The following DMRT1 variants were observed in gnomAD, a reference collection of about 807,000 sequenced individuals.
The protein encoded by DMRT1 is doublesex and mab-3 related transcription factor 1.
DMRT1 carries 7 observed loss-of-function variants against 32.3 expected under a neutral mutation model. The ratio of observed to expected loss-of-function variants is 0.22; its 90% confidence interval spans 0.12 to 0.41. The LOEUF (loss-of-function observed/expected upper bound fraction) is 0.41, where lower values mean the gene tolerates loss of function less well. Among genes scored for constraint, DMRT1 ranks in the 10% least tolerant of loss-of-function variants. DMRT1 has a pLI of 1.00. For synonymous variants in DMRT1, 278 were observed against 206.1 expected (o/e 1.35, Z -2.99); for missense variants, 625 against 500.5 (o/e 1.25, Z -2.37).
At chr9:893,868 A>G (rs763396675) in intron 2 of DMRT1, 44 bp from the exon 3 acceptor site, 70 of 1,584,776 alleles carry the variant, frequency 4.4e-5, no homozygotes, top group Middle Eastern at 1.7e-4. Context: ...TTCGTGGACT[A>G]ACATTAATAC....
intron 4 of DMRT1, among the ~76,000 whole-genome samples, chr9:947,684 C>T (rs936663597): frequency 1.3e-5 from 2 of 152,078 alleles, no homozygotes; most frequent in East Asian, 1.9e-4. Flanking sequence ...AATGCAGTGG[C>T]GCGATCTCGG....
At chr9:908,237 C>T (rs1189180156) in intron 3 of DMRT1, among the ~76,000 whole-genome samples, 1 of 152,052 alleles carries the variant, frequency 6.6e-6, no homozygotes, top group Non-Finnish European at 1.5e-5. Context: ...GAGAGGATCA[C>T]TTGAGGCCAG....
chr9:882,207 C>A (rs142328576), intron 2 of DMRT1, among the ~76,000 whole-genome samples: 2 of 152,118 alleles, frequency 1.3e-5, no homozygotes, highest in Non-Finnish European at 2.9e-5. Flanking sequence ...TGCCACTGTG[C>A]GTTACATGCC....
chr9:902,582 G>A (rs7866486), intron 3 of DMRT1, among the ~76,000 whole-genome samples: 88,847 of 150,892 alleles, frequency 0.59, 27,584 homozygotes, highest in East Asian at 0.72. Context: ...TCTGCCTCCC[G>A]GGTTCAAGCG....
intron 4 of DMRT1, 52 bp from the exon 5 acceptor site, chr9:967,933 A>G: frequency 7.0e-7 from 1 of 1,432,594 alleles, no homozygotes; most frequent in Non-Finnish European, 9.5e-7. Context: ...AGCCACTTTT[A>G]ACATTACTCC....
At position 896,402 on chromosome 9, in the gene DMRT1, C is replaced by T. The variant is rs919892849; in HGVS notation, c.822+2207C>T. Among the ~76,000 whole-genome samples the T allele has an allele frequency of 2.6e-5, 4 of 151,366 alleles. No homozygotes were observed. In the East Asian group the frequency reaches 5.9e-4, roughly 22 times the overall value. ...CAAGTGATTCTCCTGCCTCAGCCTC[C>T]TGAGTAGCTGGGATTATAGGCACGC... On this transcript the variant is annotated intron_variant, in intron 3 of 4. Transcript: ENST00000382276.
chr9:903,312 A>G (rs1325173218), intron 3 of DMRT1, among the ~76,000 whole-genome samples: 1 of 151,172 alleles, frequency 6.6e-6, no homozygotes, highest in African/African-American at 2.4e-5. Context: ...GGGTGAATGC[A>G]GTCCCGGCTT....
At chr9:894,635 A>G in intron 3 of DMRT1, 1 of 284,166 alleles carries the variant, frequency 3.5e-6, no homozygotes, top group East Asian at 9.0e-5. Context: ...TCTGGGTGGC[A>G]GTAATCTGCG....
chr9:913,233 C>A (rs1354858394), intron 3 of DMRT1, among the ~76,000 whole-genome samples: 1 of 152,178 alleles, frequency 6.6e-6, no homozygotes, highest in Non-Finnish European at 1.5e-5. Flanking sequence ...CCTTGAAGAA[C>A]TGGCTTGAAG....
At chr9:937,365 A>G (rs1247396352) in intron 4 of DMRT1, among the ~76,000 whole-genome samples, 1 of 152,260 alleles carries the variant, frequency 6.6e-6, no homozygotes, top group Non-Finnish European at 1.5e-5. Context: ...TATATCTAGA[A>G]GTAGAATTGC....
In DMRT1 at chr9:916,614, C is replaced by G. The variant is rs921743139; in HGVS notation, c.823-149C>G. 3.5e-5 allele frequency: 32 copies of G among 919,018 alleles called. No homozygotes were observed. The African/African-American group carries it at 4.9e-4, about 14-fold the overall frequency. The allele number at this position is 919,018 out of a possible 1,614,324, so 56.9% of individuals were successfully genotyped here. On this transcript the variant is annotated intron_variant, in intron 3 of 4. Coordinates refer to ENST00000382276, the MANE Select transcript of DMRT1 (RefSeq NM_021951.3). ...CTTGAACTCCTGGGCTCAAGCGATC[C>G]TCCCGCCCTGGCCTCCCAAGGTGTC...
intron 2 of DMRT1, among the ~76,000 whole-genome samples, chr9:848,022 T>G (rs1199049226): frequency 6.6e-6 from 1 of 152,162 alleles, no homozygotes; most frequent in Non-Finnish European, 1.5e-5. Flanking sequence ...ATCCACCAAA[T>G]AAAGACCTGT....
At chr9:905,052 G>C (rs1219887294) in intron 3 of DMRT1, among the ~76,000 whole-genome samples, 2 of 152,164 alleles carry the variant, frequency 1.3e-5, no homozygotes, top group Non-Finnish European at 1.5e-5. Context: ...GGCATGCCAA[G>C]AGGCAGGGTG....
At chr9:845,048 T>G (rs1342368972) in intron 1 of DMRT1, among the ~76,000 whole-genome samples, 1 of 152,058 alleles carries the variant, frequency 6.6e-6, no homozygotes, top group Non-Finnish European at 1.5e-5. Flanking sequence ...AATTGAACGT[T>G]TTGATTTCAC....
At chr9:868,828 G>A (rs976781339) in intron 2 of DMRT1, among the ~76,000 whole-genome samples, 2 of 152,080 alleles carry the variant, frequency 1.3e-5, no homozygotes, top group Admixed American at 6.6e-5. Flanking sequence ...TGGGCAACAT[G>A]GTGAAGCCCC....
chr9:907,427 G>A lies in DMRT1; in HGVS notation c.823-9336G>A, dbSNP rs565358962. On this transcript the variant is annotated intron_variant, in intron 3 of 4. Transcript: ENST00000382276. ...ATAGATTTCTCAAGATGAAGAAGGC[G>A]CTGAGCTAGTCCCAGCCAGACACTG... is the stretch of plus-strand genomic sequence containing the variant. 1.4e-3 allele frequency among the ~76,000 whole-genome samples: 208 copies of A among 152,236 alleles called. 5 individuals are homozygous for A. In the South Asian group the frequency reaches 0.042, roughly 31 times the overall value.
At position 853,994 on chromosome 9, in the gene DMRT1, G is replaced by A. The variant is rs149403386; in HGVS notation, c.538+6851G>A. On this transcript the variant is annotated intron_variant, in intron 2 of 4. Coordinates refer to ENST00000382276, the MANE Select transcript of DMRT1 (RefSeq NM_021951.3). ...AAATTTTTCTTTCTGTGGAGACAGG[G>A]TCTCTTTTTGTTGCCCACGCTGGTC... 5.6e-3 allele frequency among the ~76,000 whole-genome samples: 853 copies of A among 151,644 alleles called. 9 individuals carry two copies. In the Middle Eastern group the frequency reaches 0.059, roughly 10 times the overall value.
In DMRT1 at chr9:847,097, C is replaced by T; in HGVS notation, c.492C>T (p.Gly164=). ...SNPCLMTECS[G]TSQPPPASVP... is the part of the protein sequence containing the mutation. Reference sequence around the variant, plus strand: ...CGTGCCTCATGACTGAGTGCAGTGGCACCTCTCAGCCACCGCCGGCCAGTG... The same window carrying T: ...CGTGCCTCATGACTGAGTGCAGTGGTACCTCTCAGCCACCGCCGGCCAGTG... The change falls in exon 2 of 5, where the codon GGC becomes GGT. Residue 164 remains glycine, a synonymous_variant. Transcript: ENST00000382276. 1 of 1,613,728 alleles carries T rather than the reference C, an allele frequency of 6.2e-7. No homozygotes were observed.
chr9:924,012 G>C (rs1818439126), intron 4 of DMRT1, among the ~76,000 whole-genome samples: 1 of 151,994 alleles, frequency 6.6e-6, no homozygotes, highest in African/African-American at 2.4e-5. Context: ...AACTATCCCA[G>C]GAGACGAGGT....
Sources: allele counts gnomAD v4.1 joint callset (sites outside exome capture counted in the v4.1 genomes callset), GRCh38; gene constraint gnomAD v4.1.1; transcripts MANE v1.5; gene names NCBI Gene and HGNC (gene_info 2026-07-23, HGNC 2026-07-21).